Variants in ECH1 observed in about 807,000 individuals in gnomAD.
The protein encoded by ECH1 is enoyl-CoA hydratase 1.
A neutral mutation model predicts 37.0 loss-of-function variants in ECH1; 30 were observed. The observed-to-expected ratio is 0.81, with a 90% CI of 0.61 to 1.10. The LOEUF (loss-of-function observed/expected upper bound fraction) is 1.10, where lower values mean the gene tolerates loss of function less well. Among genes scored for constraint, ECH1 ranks in the 50% least tolerant of loss-of-function variants. The pLI is 0.00. For synonymous variants in ECH1, 178 were observed against 176.0 expected (o/e 1.01, Z -0.09); for missense variants, 456 against 441.6 (o/e 1.03, Z -0.29).
intron 3 of ECH1, among the ~76,000 whole-genome samples, chr19:38,825,068 G>A (rs1201356750): frequency 1.3e-5 from 2 of 152,234 alleles, no homozygotes; most frequent in African/African-American, 4.8e-5. Flanking sequence ...CGCTTGGAGA[G>A]ATGTCATGCT....
At chr19:38,817,760 AT>A (rs1971601893) in intron 3 of ECH1, 185 bp from the exon 4 acceptor site, 6 of 985,072 alleles carry the variant, frequency 6.1e-6, no homozygotes, top group Non-Finnish European at 7.2e-6. Flanking sequence ...AAAAGCTAAT[AT>A]TTGTGGAGTC....
chr19:38,824,119 C>T (rs1407122469), intron 3 of ECH1, among the ~76,000 whole-genome samples: 4 of 152,178 alleles, frequency 2.6e-5, no homozygotes, highest in Non-Finnish European at 4.4e-5. Flanking sequence ...ACTCTTCCAA[C>T]CCTGGAGATC....
At chr19:38,825,809 G>A (rs541798154) in intron 3 of ECH1, among the ~76,000 whole-genome samples, 40 of 152,282 alleles carry the variant, frequency 2.6e-4, no homozygotes, top group African/African-American at 7.5e-4. Context: ...CCACTATGCC[G>A]AGGCAATCAC....
chr19:38,816,629 T>G (rs1971581583), intron 6 of ECH1, 106 bp from the exon 7 acceptor site: 1 of 1,336,286 alleles, frequency 7.5e-7, no homozygotes, highest in Non-Finnish European at 1.0e-6. Flanking sequence ...CGCCCCACCT[T>G]CACCCCAGTG....
chr19:38,816,989 C>G, intron 6 of ECH1, 76 bp downstream of exon 6: 1 of 1,483,858 alleles, frequency 6.7e-7, no homozygotes, highest in South Asian at 1.2e-5. Context: ...TCCATGAAGC[C>G]CTCGAGGCTC....
At chr19:38,826,115 T>A (rs1490317826) in intron 3 of ECH1, among the ~76,000 whole-genome samples, 1 of 152,228 alleles carries the variant, frequency 6.6e-6, no homozygotes, top group Non-Finnish European at 1.5e-5. Flanking sequence ...TCAGTTGTAA[T>A]TGGGAGACTT....
chr19:38,817,619 C>T, intron 3 of ECH1, 44 bp from the exon 4 acceptor site: 1 of 1,547,192 alleles, frequency 6.5e-7, no homozygotes. Context: ...TCCCAGGCCC[C>T]ACCCATTGAC....
intron 3 of ECH1, among the ~76,000 whole-genome samples, chr19:38,824,448 C>A (rs1038239643): frequency 4.6e-5 from 7 of 152,116 alleles, no homozygotes; most frequent in African/African-American, 1.7e-4. Context: ...AGATGGGAAA[C>A]ATTCAGCCAT....
At chr19:38,819,020 C>T (rs1971623950) in intron 3 of ECH1, 1 of 632,402 alleles carries the variant, frequency 1.6e-6, no homozygotes, top group African/African-American at 2.1e-5. Flanking sequence ...CGGGCACGTG[C>T]ATTTGAGCCC....
Position 38,815,663 on chromosome 19 carries a change from CCTGGA to C in ECH1, c.932_936del (p.Val311GlyfsTer4), listed in dbSNP as rs1377687511. On this transcript the variant is annotated frameshift_variant, in exon 10 of 10. Coordinates refer to ENST00000221418, the MANE Select transcript of ECH1 (RefSeq NM_001398.3). LOFTEE classifies it high-confidence loss of function. ...TTCAGTTCCTTGTTCTCAGTCGTGG[CCTGGA>C]CCGACTTCACGAGGTCTTGGGTCTG... 6.2e-7 allele frequency: 1 copy of C among 1,614,064 alleles called. No homozygotes were observed. Among genetic ancestry groups the C allele is most frequent in the African/African-American group, 1.3e-5 (1 of 74,916 alleles).
intron 3 of ECH1, among the ~76,000 whole-genome samples, chr19:38,822,438 A>G (rs1388996913): frequency 8.6e-4 from 112 of 129,820 alleles, no homozygotes; most frequent in South Asian, 1.6e-3. Context: ...TCAGCACCCT[A>G]TGTCTAGCTC....
chr19:38,817,101 G>A lies in ECH1; in HGVS notation c.552C>T (p.Ile184=). ...GGVDLVTACD[I]RYCAQDAFFQ... ...AGAAAGCATCCTGGGCACAGTACCG[G>A]ATGTCACAGGCGGTGACAAGGTCCA... is the stretch of plus-strand genomic sequence containing the variant. Residue 184 remains isoleucine, a synonymous_variant, in exon 6 of 10, where the codon ATC becomes ATT. Transcript: ENST00000221418. 1 of 1,577,430 alleles carries A rather than the reference G, an allele frequency of 6.3e-7. No homozygotes were observed. The highest frequency in any genetic ancestry group is 8.6e-7 in the Non-Finnish European group (1 of 1,161,858).
At chr19:38,818,932 T>TGTGCAC (rs144733422) in intron 3 of ECH1, among the ~76,000 whole-genome samples, 1 of 142,752 alleles carries the variant, frequency 7.0e-6, no homozygotes, top group South Asian at 2.3e-4. Context: ...TGTGTGTGTG[T>TGTGCAC]GCACTGTTCC....
intron 3 of ECH1, among the ~76,000 whole-genome samples, chr19:38,821,809 C>A (rs1416055847): frequency 6.6e-6 from 1 of 152,248 alleles, no homozygotes; most frequent in Non-Finnish European, 1.5e-5. Context: ...ACAGCCCGAG[C>A]CTCCCCGAGG....
chr19:38,821,204 T>C (rs1231946653), intron 3 of ECH1, among the ~76,000 whole-genome samples: 3 of 151,036 alleles, frequency 2.0e-5, no homozygotes, highest in Non-Finnish European at 4.4e-5. Flanking sequence ...GGGGAGGTGG[T>C]AGGGGCTGAG....
intron 3 of ECH1, among the ~76,000 whole-genome samples, chr19:38,820,995 G>A (rs1189997068): frequency 6.6e-6 from 1 of 152,192 alleles, no homozygotes; most frequent in African/African-American, 2.4e-5. Flanking sequence ...AAGAAAGCAG[G>A]AGGCTGGGTG....
chr19:38,825,934 C>G lies in ECH1; in HGVS notation c.349+5144G>C, dbSNP rs547588494. Among the ~76,000 whole-genome samples, 4 of 152,312 alleles carry G rather than the reference C, an allele frequency of 2.6e-5. No individual in the cohort carries two copies. The South Asian group carries it at 8.3e-4, about 32-fold the overall frequency. On this transcript the variant is annotated intron_variant, in intron 3 of 9. Transcript: ENST00000221418. ...GCAAGCGCCAGCTCATGTCATCACC[C>G]TCACTGAGCCCCGGGTACGTTTAAC... is the stretch of plus-strand genomic sequence containing the variant.
rs1337858833 is a variant in ECH1, at chr19:38,831,491, T to G, written c.78A>C (p.Gly26=). 2.5e-6 allele frequency: 4 copies of G among 1,613,740 alleles called. No individual in the cohort carries two copies. Among genetic ancestry groups the G allele is most frequent in the Non-Finnish European group, 3.4e-6 (4 of 1,179,948 alleles). The change falls in exon 2 of 10, where the codon GGA becomes GGC. Residue 26 remains glycine (G), a synonymous_variant. Transcript: ENST00000221418. ...TRRLTGSNYP[G]LSISLRLTGS... Reference sequence around the variant, plus strand: ...CAGTGAGGCGAAGGCTAATACTGAGTCCCGGGTAGTTGGAGCCTGTCAGTC... The same window carrying G: ...CAGTGAGGCGAAGGCTAATACTGAGGCCCGGGTAGTTGGAGCCTGTCAGTC...
intron 3 of ECH1, among the ~76,000 whole-genome samples, chr19:38,823,711 G>A (rs1239675435): frequency 1.3e-5 from 2 of 152,238 alleles, no homozygotes; most frequent in Non-Finnish European, 2.9e-5. Context: ...CTGCAGCCAT[G>A]AGCGGAACAC....
Sources: gnomAD v4.1 joint callset for allele counts (sites outside exome capture counted in the v4.1 genomes callset) on GRCh38, gnomAD v4.1.1 for gene constraint, MANE v1.5 for transcripts, NCBI Gene and HGNC (gene_info 2026-07-23, HGNC 2026-07-21) for gene names.